Variants in NPR3 observed in about 807,000 individuals in gnomAD.
NPR3 encodes atrial natriuretic peptide receptor 3.
In NPR3, 34 loss-of-function variants were observed where a neutral mutation model predicts 54.5. The ratio of observed to expected loss-of-function variants is 0.62; its 90% CI spans 0.47 to 0.83. NPR3 has a LOEUF of 0.83. NPR3 is among the 40% of genes least tolerant of loss of function. The pLI is 0.00. For missense variants in NPR3, 674 were observed against 720.8 expected, an observed-to-expected ratio of 0.94 and a Z score of 0.74; for synonymous variants, 289 against 297.1, an observed-to-expected ratio of 0.97 and a Z score of 0.28.
intron 5 of NPR3, among the ~76,000 whole-genome samples, chr5:32,782,143 C>A (rs1250039880): frequency 2.0e-5 from 3 of 152,120 alleles, no homozygotes; most frequent in Non-Finnish European, 4.4e-5. Flanking sequence ...TTAAGAGAAA[C>A]AGAATTCTGC....
upstream of NPR3, among the ~76,000 whole-genome samples, chr5:32,705,266 G>A (rs993605258): frequency 2.6e-5 from 4 of 152,222 alleles, no homozygotes; most frequent in Non-Finnish European, 2.9e-5. Flanking sequence ...TGTTGATAAT[G>A]AAGCCCACAG....
intron 2 of NPR3, among the ~76,000 whole-genome samples, chr5:32,734,960 C>T (rs2111930468): frequency 6.6e-6 from 1 of 152,256 alleles, no homozygotes; most frequent in Admixed American, 6.5e-5. Context: ...TCTCTGTTTC[C>T]TCTTACTCCT....
chr5:32,764,729 A>C (rs969225860), intron 3 of NPR3, among the ~76,000 whole-genome samples: 5 of 137,918 alleles, frequency 3.6e-5, no homozygotes, highest in African/African-American at 8.1e-5. Flanking sequence ...TGGAGGTTGC[A>C]GTGAGCCGAG....
intron 3 of NPR3, among the ~76,000 whole-genome samples, chr5:32,754,800 G>A (rs1028365188): frequency 5.9e-5 from 9 of 152,102 alleles, no homozygotes; most frequent in Admixed American, 3.3e-4. Flanking sequence ...TCTCTATGTG[G>A]AATAATTACT....
intron 3 of NPR3, among the ~76,000 whole-genome samples, chr5:32,774,327 T>C (rs150537604): frequency 9.3e-4 from 142 of 152,242 alleles, no homozygotes; most frequent in Middle Eastern, 3.4e-3. Context: ...CGTGGGGCTG[T>C]TGAAGGTGGA....
rs1238086038 is a variant in NPR3, at chr5:32,791,531, CTG to C, written c.*5189_*5190del. ...TTGTGTAGAAAAGGAGAACTAATGA[CTG>C]TGGATATAACCCATGTTTTGTATAA... On this transcript the variant is annotated 3_prime_UTR_variant, in exon 8 of 8. Transcript: ENST00000265074. 4.2e-5 allele frequency: 7 copies of C among 167,088 alleles called. No individual in the cohort carries two copies. The highest frequency in any genetic ancestry group is 1.7e-4 in the African/African-American group (7 of 41,454). The allele number at this position is 167,088 out of a possible 1,614,324, so 10.4% of individuals were successfully genotyped here.
rs77019072 is a variant in NPR3 at position 32,699,013 on chromosome 5, G to T, written c.100+9827G>T. Among the ~76,000 whole-genome samples, 515 of 152,098 alleles carry T rather than the reference G, an allele frequency of 3.4e-3. 2 individuals are homozygous for T. The highest frequency in any genetic ancestry group is 0.011 in the African/African-American group (469 of 41,496). ...GTAAGGACTTAACTCCTGCCAGTTT[G>T]TTATTAGTTTTCTGGTTATTTTGTG... On this transcript the variant is annotated intron_variant, in intron 1 of 5. Transcript: ENST00000509104.
intron 2 of NPR3, among the ~76,000 whole-genome samples, chr5:32,727,379 C>T (rs2111901579): frequency 6.6e-6 from 1 of 152,328 alleles, no homozygotes; most frequent in South Asian, 2.1e-4. Flanking sequence ...CTGCCTGCCT[C>T]AGCCTCCCAA....
At chr5:32,723,025 G>A (rs190454583) in intron 1 of NPR3, among the ~76,000 whole-genome samples, 1 of 152,062 alleles carries the variant, frequency 6.6e-6, no homozygotes, top group African/African-American at 2.4e-5. Flanking sequence ...CTGAATTAAC[G>A]TGCGCAGTAA....
At chr5:32,773,148 C>G (rs1026441439) in intron 3 of NPR3, among the ~76,000 whole-genome samples, 2 of 152,190 alleles carry the variant, frequency 1.3e-5, no homozygotes, top group African/African-American at 4.8e-5. Flanking sequence ...CCCCACTAAG[C>G]CATGCCAGGT....
In NPR3 at chr5:32,780,708, T is replaced by C. The variant is rs770501807; in HGVS notation, c.1196-14T>C. On this transcript the variant is annotated splice_polypyrimidine_tract_variant and intron_variant, in intron 4 of 7. Transcript: ENST00000265074. ...AAGTAACCAACGTTGAGTTCTTCGCTTCTGGTCCTGTAGGTATCGCCGGGC... is the reference window on the plus strand; with the variant it reads ...AAGTAACCAACGTTGAGTTCTTCGCCTCTGGTCCTGTAGGTATCGCCGGGC... 1 of 1,259,396 alleles carries C rather than the reference T, an allele frequency of 7.9e-7. No homozygotes were observed. The highest frequency in any genetic ancestry group is 1.2e-5 in the South Asian group (1 of 83,896). The allele number at this position is 1,259,396 out of a possible 1,614,324, so 78.0% of individuals were successfully genotyped here.
At chr5:32,713,175 G>C in intron 1 of NPR3, 2 of 985,408 alleles carry the variant, frequency 2.0e-6, no homozygotes, top group Non-Finnish European at 2.4e-6. Context: ...CTGTGTGTCT[G>C]AATTCTGGCG....
intron 3 of NPR3, among the ~76,000 whole-genome samples, chr5:32,746,436 C>T (rs1419169326): frequency 1.3e-5 from 2 of 152,062 alleles, no homozygotes; most frequent in Admixed American, 6.5e-5. Flanking sequence ...CAGTTACTGT[C>T]CTGAACCCTG....
At chr5:32,692,736 C>A (rs1243617635) in intron 1 of NPR3, among the ~76,000 whole-genome samples, 1 of 152,142 alleles carries the variant, frequency 6.6e-6, no homozygotes, top group African/African-American at 2.4e-5. Context: ...TTCCTCATTA[C>A]CTTAAATTTC....
intron 1 of NPR3, among the ~76,000 whole-genome samples, chr5:32,693,436 G>GA (rs1420788838): frequency 1.3e-5 from 2 of 152,084 alleles, no homozygotes; most frequent in African/African-American, 4.8e-5. Flanking sequence ...CAGGATTGAA[G>GA]AAAAAACTCC....
In NPR3 at chr5:32,711,775, C is replaced by A; in HGVS notation, c.-2C>A. On this transcript the variant is annotated 5_prime_UTR_variant, in exon 1 of 8. Coordinates refer to ENST00000265074, the MANE Select transcript of NPR3 (RefSeq NM_001204375.2). The stretch of plus-strand genomic sequence containing the variant: ...CGAGGGCAAGCTCTTTCTTGCGGCA[C>A]GATGCCGTCTCTGCTGGTGCTCACT... The A allele has an allele frequency of 5.6e-6, 8 of 1,420,412 alleles. No individual in the cohort carries two copies. Among genetic ancestry groups the A allele is most frequent in the Non-Finnish European group, 7.4e-6 (8 of 1,086,700 alleles). The allele number at this position is 1,420,412 out of a possible 1,614,324, so 88.0% of individuals were successfully genotyped here.
In NPR3 at chr5:32,791,460, G is replaced by A. The variant is rs1187624937; in HGVS notation, c.*5115G>A. On this transcript the variant is annotated 3_prime_UTR_variant, in exon 8 of 8. Transcript: ENST00000265074. The stretch of plus-strand genomic sequence containing the variant: ...GTTACATACTGTTTATTGTTCTAAT[G>A]TACAACTAACTATTTGCATATAATG... The A allele has an allele frequency of 6.0e-6, 1 of 167,058 alleles. No homozygotes were observed. The highest frequency in any genetic ancestry group is 1.5e-5 in the Non-Finnish European group (1 of 68,116). The allele number at this position is 167,058 out of a possible 1,614,324, so 10.3% of individuals were successfully genotyped here. A position where few individuals can be genotyped will look rare whatever the true frequency, so the allele number is the denominator to read the frequency against.
chr5:32,722,143 GA>G (rs770975789), intron 1 of NPR3, among the ~76,000 whole-genome samples: 7 of 151,240 alleles, frequency 4.6e-5, no homozygotes, highest in East Asian at 1.9e-4. Context: ...TGTAAAAATA[GA>G]AAAAAAAAGT....
intron 1 of NPR3, among the ~76,000 whole-genome samples, chr5:32,718,243 C>G (rs547739858): frequency 6.6e-6 from 1 of 152,222 alleles, no homozygotes; most frequent in African/African-American, 2.4e-5. Context: ...GTTACTGTAG[C>G]CTTGTAGTAT....
Sources: gnomAD v4.1 joint callset for allele counts (sites outside exome capture counted in the v4.1 genomes callset) on GRCh38, gnomAD v4.1.1 for gene constraint, MANE v1.5 for transcripts, NCBI Gene and HGNC (gene_info 2026-07-23, HGNC 2026-07-21) for gene names.